Variants in ST8SIA5 observed in about 807,000 individuals in gnomAD.
The protein encoded by ST8SIA5 is alpha-2,8-sialyltransferase 8E.
In ST8SIA5, 24 loss-of-function variants were observed where a neutral mutation model predicts 40.2. The ratio of observed to expected loss-of-function variants is 0.60; its 90% CI spans 0.43 to 0.84. The LOEUF is 0.84. Among genes scored for constraint, ST8SIA5 ranks in the 40% least tolerant of loss-of-function variants. The pLI, the probability that ST8SIA5 is intolerant of heterozygous loss-of-function variation, is 0.00. For missense variants in ST8SIA5, 465 were observed against 498.5 expected, an observed-to-expected ratio of 0.93 and a Z score of 0.64; for synonymous variants, 198 against 201.8, an observed-to-expected ratio of 0.98 and a Z score of 0.16.
chr18:46,672,815 C>CA lies in ST8SIA5; in HGVS notation c.*7226dup, dbSNP rs75731237. The stretch of plus-strand genomic sequence containing the variant: ...TCTCAGGAAGCCAGGGGCCAACGAC[C>CA]AGCCCAGGACAACTGCCCAAGGCAA... On this transcript the variant is annotated 3_prime_UTR_variant, in exon 7 of 7. Transcript: ENST00000315087. 31,589 of 152,130 alleles carry CA rather than the reference C, an allele frequency of 0.21. 3,505 individuals are homozygous for CA. Among genetic ancestry groups the CA allele is most frequent in the Admixed American group, 0.25 (3,826 of 15,278 alleles). 9.4% of individuals were successfully genotyped at this position (152,130 alleles called of 1,614,324 possible). A position where few individuals can be genotyped will look rare whatever the true frequency, so the allele number is the denominator to read the frequency against.
intron 1 of ST8SIA5, among the ~76,000 whole-genome samples, chr18:46,728,596 C>G (rs1352241556): frequency 6.6e-6 from 1 of 152,232 alleles, no homozygotes; most frequent in Non-Finnish European, 1.5e-5. Flanking sequence ...GCTGACTGCT[C>G]AACCCAGTGG....
chr18:46,743,833 CA>C (rs1436310636), intron 1 of ST8SIA5, among the ~76,000 whole-genome samples: 1 of 152,212 alleles, frequency 6.6e-6, no homozygotes, highest in African/African-American at 2.4e-5. Flanking sequence ...GGGTTACCCA[CA>C]AAGGGAAGCC....
chr18:46,690,613 C>CTTTTTTTT (rs34766517), intron 3 of ST8SIA5, among the ~76,000 whole-genome samples: 1 of 117,006 alleles, frequency 8.5e-6, no homozygotes, highest in Non-Finnish European at 1.7e-5. Context: ...GCTGCTGAGA[C>CTTTTTTTT]TTTTTTTTTT....
At chr18:46,715,796 A>G (rs1021321663) in intron 1 of ST8SIA5, among the ~76,000 whole-genome samples, 1 of 152,050 alleles carries the variant, frequency 6.6e-6, no homozygotes, top group East Asian at 1.9e-4. Flanking sequence ...TATGTAGACC[A>G]AGCTGGTCTT....
rs2039346937 is a variant in ST8SIA5 at position 46,677,361 on chromosome 18, G to T, written c.*2681C>A. The stretch of plus-strand genomic sequence containing the variant: ...CTGACCAAGGGCAAGTCCTGGAATT[G>T]CTTTAAGCCTCTGTCTCCTCATCTG... On this transcript the variant is annotated 3_prime_UTR_variant, in exon 7 of 7. Coordinates refer to ENST00000315087, the MANE Select transcript of ST8SIA5 (RefSeq NM_013305.6). 1.3e-5 allele frequency: 1 copy of T among 75,778 alleles called. No individual in the cohort carries two copies. The highest frequency in any genetic ancestry group is 2.8e-5 in the Non-Finnish European group (1 of 35,458). The allele number at this position is 75,778 out of a possible 1,614,324, so 4.7% of individuals were successfully genotyped here. A position where few individuals can be genotyped will look rare whatever the true frequency, so the allele number is the denominator to read the frequency against.
At chr18:46,744,528 A>G (rs2040119412) in intron 1 of ST8SIA5, among the ~76,000 whole-genome samples, 1 of 152,130 alleles carries the variant, frequency 6.6e-6, no homozygotes, top group African/African-American at 2.4e-5. Flanking sequence ...TCCTAAATAG[A>G]TATGCACCCA....
rs1450650419 is a variant in ST8SIA5, at chr18:46,750,026, C to T, written c.131+6352G>A. ...GATCTTGAACTTTCAGCCTCTTGAGCAGGAGAAACAAACATTTGTTGCTTA... is the reference window on the plus strand; with the variant it reads ...GATCTTGAACTTTCAGCCTCTTGAGTAGGAGAAACAAACATTTGTTGCTTA... On this transcript the variant is annotated intron_variant, in intron 1 of 6. Coordinates refer to ENST00000315087, the MANE Select transcript of ST8SIA5 (RefSeq NM_013305.6). Among the ~76,000 whole-genome samples the T allele has an allele frequency of 5.3e-5, 8 of 152,166 alleles. 1 individual carries two copies. The East Asian group carries it at 1.2e-3, about 22-fold the overall frequency.
intron 1 of ST8SIA5, among the ~76,000 whole-genome samples, chr18:46,716,631 C>A (rs574901220): frequency 1.3e-5 from 2 of 152,200 alleles, no homozygotes; most frequent in South Asian, 2.1e-4. Context: ...AAGGAGCCTG[C>A]AGCTGTGCCT....
intron 5 of ST8SIA5, among the ~76,000 whole-genome samples, chr18:46,683,670 A>G (rs954922043): frequency 6.6e-6 from 1 of 151,990 alleles, no homozygotes; most frequent in African/African-American, 2.4e-5. Context: ...CACCTACTTT[A>G]TGATCCAACC....
At chr18:46,727,591 C>G (rs71364564) in intron 1 of ST8SIA5, among the ~76,000 whole-genome samples, 41,812 of 152,046 alleles carry the variant, frequency 0.27, 6,162 homozygotes, top group Middle Eastern at 0.38. Context: ...TATATATGTT[C>G]CAGGCACTGT....
intron 1 of ST8SIA5, among the ~76,000 whole-genome samples, chr18:46,752,003 C>T (rs2144575484): frequency 6.6e-6 from 1 of 152,296 alleles, no homozygotes; most frequent in South Asian, 2.1e-4. Flanking sequence ...ACGCCATCCT[C>T]ACAGGGTCCC....
intron 2 of ST8SIA5, 120 bp from the exon 3 acceptor site, chr18:46,692,375 G>A: frequency 2.5e-6 from 2 of 790,296 alleles, no homozygotes; most frequent in Non-Finnish European, 2.1e-6. Flanking sequence ...GCTGGCCCTT[G>A]GCATTGACCA....
intron 2 of ST8SIA5, 97 bp from the exon 3 acceptor site, chr18:46,692,352 G>T: frequency 9.4e-7 from 1 of 1,058,836 alleles, no homozygotes; most frequent in Non-Finnish European, 1.5e-6. Flanking sequence ...CATAGGCCAA[G>T]TCCAGTCCTG....
At chr18:46,722,890 G>C (rs2039877198) in intron 1 of ST8SIA5, 1 of 152,198 alleles carries the variant, frequency 6.6e-6, no homozygotes, top group African/African-American at 2.4e-5. Context: ...ATCATCATGT[G>C]AAGAAAACTT....
chr18:46,686,776 G>A (rs1332182453), intron 4 of ST8SIA5, among the ~76,000 whole-genome samples: 1 of 149,246 alleles, frequency 6.7e-6, no homozygotes, highest in Non-Finnish European at 1.5e-5. Flanking sequence ...ACAGCCAGTA[G>A]GTGAGTAAAC....
chr18:46,740,238 C>A (rs1169902879), intron 1 of ST8SIA5, among the ~76,000 whole-genome samples: 1 of 152,058 alleles, frequency 6.6e-6, no homozygotes, highest in Admixed American at 6.6e-5. Flanking sequence ...CTCGGTGATT[C>A]ATGCTTCCCT....
intron 1 of ST8SIA5, among the ~76,000 whole-genome samples, chr18:46,721,031 G>T (rs2039856762): frequency 6.6e-6 from 1 of 152,064 alleles, no homozygotes; most frequent in Non-Finnish European, 1.5e-5. Context: ...ACACACACTT[G>T]CTGGCTGATA....
At chr18:46,701,346 G>T (rs967262646) in intron 2 of ST8SIA5, among the ~76,000 whole-genome samples, 2 of 151,846 alleles carry the variant, frequency 1.3e-5, no homozygotes, top group Non-Finnish European at 1.5e-5. Context: ...TCACCATGTT[G>T]GCCAGGCTGG....
intron 1 of ST8SIA5, among the ~76,000 whole-genome samples, chr18:46,720,614 G>T (rs908161066): frequency 3.9e-5 from 6 of 152,128 alleles, no homozygotes; most frequent in Non-Finnish European, 8.8e-5. Context: ...GGAAACGGAC[G>T]TGAGAGTTAC....
Sources: gnomAD v4.1 joint callset for allele counts (sites outside exome capture counted in the v4.1 genomes callset) on GRCh38, gnomAD v4.1.1 for gene constraint, MANE v1.5 for transcripts, NCBI Gene and HGNC (gene_info 2026-07-23, HGNC 2026-07-21) for gene names.